Variants in KLC1 observed in about 807,000 individuals in gnomAD.
KLC1 encodes kinesin light chain 1, also known as kinesin 2 60/70kDa.
In KLC1, 30 loss-of-function variants were observed where a neutral mutation model predicts 84.2. The observed-to-expected ratio is 0.36, with a 90% CI of 0.27 to 0.48. The LOEUF (loss-of-function observed/expected upper bound fraction) is 0.48. Among genes scored for constraint, KLC1 ranks in the 20% least tolerant of loss-of-function variants. The pLI is 0.99. For missense variants in KLC1, 499 were observed against 805.4 expected (o/e 0.62, Z 4.60); for synonymous variants, 289 against 293.3 (o/e 0.99, Z 0.15).
chr14:103,676,500 A>T (rs2080889211), intron 11 of KLC1, among the ~76,000 whole-genome samples: 1 of 152,118 alleles, frequency 6.6e-6, no homozygotes, highest in South Asian at 2.1e-4. Context: ...TCCTGACCTC[A>T]GGTGATCCAC....
At chr14:103,643,130 T>C (rs537151797) in intron 1 of KLC1, among the ~76,000 whole-genome samples, 1 of 152,350 alleles carries the variant, frequency 6.6e-6, no homozygotes, top group Admixed American at 6.5e-5. Context: ...AACAAATATC[T>C]GTAAGTCCAT....
chr14:103,638,040 G>C (rs896329640), intron 1 of KLC1, among the ~76,000 whole-genome samples: 1 of 151,962 alleles, frequency 6.6e-6, no homozygotes, highest in Non-Finnish European at 1.5e-5. Context: ...GTTCCTGTAG[G>C]CTGGTCCCTT....
chr14:103,692,491 C>A, intron 15 of KLC1, 66 bp downstream of exon 15: 1 of 1,377,840 alleles, frequency 7.3e-7, no homozygotes, highest in Non-Finnish European at 1.0e-6. Context: ...TGCTGCAGAC[C>A]CGCACTCGGC....
chr14:103,677,295 A>G (rs1201630953), intron 11 of KLC1, 120 bp from the exon 12 acceptor site: 2 of 707,266 alleles, frequency 2.8e-6, no homozygotes, highest in Non-Finnish European at 5.0e-6. Flanking sequence ...AGTACAAGAG[A>G]AAGTTAAAAT....
At chr14:103,644,931 C>CTT (rs2077787633) in intron 1 of KLC1, among the ~76,000 whole-genome samples, 1 of 150,364 alleles carries the variant, frequency 6.7e-6, no homozygotes, top group South Asian at 2.1e-4. Context: ...TAGTTCTGTT[C>CTT]TTTTCTGTTC....
chr14:103,673,922 C>CA (rs113413878), intron 9 of KLC1, among the ~76,000 whole-genome samples: 3,128 of 133,952 alleles, frequency 0.023, 36 homozygotes, highest in Non-Finnish European at 0.032. Flanking sequence ...GACTCTGTCT[C>CA]AAAAAAAAAA....
At chr14:103,635,773 A>G (rs142019544) in intron 1 of KLC1, among the ~76,000 whole-genome samples, 14 of 151,850 alleles carry the variant, frequency 9.2e-5, no homozygotes, top group African/African-American at 2.9e-4. Flanking sequence ...AAAAAAAAGT[A>G]AAATAGGTAC....
intron 1 of KLC1, 127 bp from the exon 2 acceptor site, chr14:103,654,437 A>G: frequency 1.5e-6 from 1 of 675,478 alleles, no homozygotes; most frequent in Non-Finnish European, 2.3e-6. Flanking sequence ...CAAGGTCATA[A>G]ATTACAAATG....
chr14:103,694,363 T>C lies in KLC1; in HGVS notation c.1848+1938T>C. On this transcript the variant is annotated intron_variant, in intron 15 of 16. Transcript: ENST00000334553. This position sits in a 1 kb window ranked among gnomAD's most constrained non-coding sequence, Gnocchi z 4.5. ...ACCTCCTGGGTTCACGCCATTCTCCTGCCTCAGCCTCCCGAGTAGCTGGGA... is the reference window on the plus strand; with the variant it reads ...ACCTCCTGGGTTCACGCCATTCTCCCGCCTCAGCCTCCCGAGTAGCTGGGA... The C allele has an allele frequency of 1.1e-6, 1 of 934,302 alleles. No individual in the cohort carries two copies. The highest frequency in any genetic ancestry group is 1.8e-5 in the African/African-American group (1 of 55,852). 57.9% of individuals were successfully genotyped at this position (934,302 alleles called of 1,614,324 possible). A position where few individuals can be genotyped will look rare whatever the true frequency, so the allele number is the denominator to read the frequency against.
intron 13 of KLC1, chr14:103,685,180 G>C: frequency 1.4e-6 from 2 of 1,444,740 alleles, no homozygotes; most frequent in Non-Finnish European, 1.8e-6. Flanking sequence ...GTTTAAAATG[G>C]GCTGTAGACT....
chr14:103,684,721 CGCGTGTGTGTGTGT>C, intron 13 of KLC1: 1 of 434,956 alleles, frequency 2.3e-6, no homozygotes, highest in Admixed American at 3.4e-5. Flanking sequence ...CGTGTGTGCA[CGCGTGTGTGTGTGT>C]GTCACATGAA....
Position 103,701,253 on chromosome 14 carries a change from C to T in KLC1, c.*54C>T, listed in dbSNP as rs1337261887. ...TGGGACTGCCGAGTGTGGCCCGGAG[C>T]TGGCCCGGGACAGCCAGGGCGGCAG... On this transcript the variant is annotated 3_prime_UTR_variant, in exon 17 of 17. Transcript: ENST00000334553. 6.5e-7 allele frequency: 1 copy of T among 1,543,344 alleles called. No homozygotes were observed. The highest frequency in any genetic ancestry group is 2.0e-5 in the Admixed American group (1 of 50,792).
intron 14 of KLC1, among the ~76,000 whole-genome samples, chr14:103,691,408 C>T (rs2082101522): frequency 6.6e-6 from 1 of 150,630 alleles, no homozygotes; most frequent in Non-Finnish European, 1.5e-5. Context: ...GATCCACCCG[C>T]CTCAGTCTCC....
intron 1 of KLC1, among the ~76,000 whole-genome samples, chr14:103,653,859 A>G (rs1306777365): frequency 1.3e-5 from 2 of 152,222 alleles, no homozygotes; most frequent in African/African-American, 4.8e-5. Context: ...ACCATTGCTC[A>G]GTGACAGCGG....
At chr14:103,665,515 A>C (rs977716140) in intron 5 of KLC1, among the ~76,000 whole-genome samples, 13 of 152,038 alleles carry the variant, frequency 8.6e-5, no homozygotes, top group Admixed American at 3.9e-4. Flanking sequence ...GCTCACTGCA[A>C]CCTCAGCCTC....
At chr14:103,688,617 G>T (rs940266501) in intron 14 of KLC1, among the ~76,000 whole-genome samples, 2 of 152,150 alleles carry the variant, frequency 1.3e-5, no homozygotes, top group South Asian at 4.1e-4. Context: ...CCTCTTGTCC[G>T]CTTGGTATCC....
At chr14:103,630,533 C>CT (rs1426893985) in intron 1 of KLC1, among the ~76,000 whole-genome samples, 17 of 151,188 alleles carry the variant, frequency 1.1e-4, no homozygotes, top group Middle Eastern at 6.8e-3. Context: ...ATCCCAAGGC[C>CT]TTTTTTTTTG....
intron 1 of KLC1, among the ~76,000 whole-genome samples, chr14:103,645,139 A>C (rs1322154984): frequency 1.3e-5 from 2 of 151,974 alleles, no homozygotes; most frequent in East Asian, 3.9e-4. Flanking sequence ...ACACCTGGCT[A>C]ATTTTGTATT....
chr14:103,645,827 A>G (rs2077879635), intron 1 of KLC1, among the ~76,000 whole-genome samples: 1 of 149,648 alleles, frequency 6.7e-6, no homozygotes, highest in African/African-American at 2.5e-5. Flanking sequence ...GCACAATCTC[A>G]GCTCACTGCA....
Sources: allele counts gnomAD v4.1 joint callset (sites outside exome capture counted in the v4.1 genomes callset), GRCh38; gene constraint gnomAD v4.1.1; non-coding constraint Gnocchi (gnomAD v3.1); transcripts MANE v1.5; gene names NCBI Gene and HGNC (gene_info 2026-07-23, HGNC 2026-07-21).